RGS6: variants seen among roughly 807,000 people sequenced by gnomAD.
RGS6 encodes regulator of G-protein signaling 6.
Under a neutral mutation model 78.5 loss-of-function variants are expected in RGS6, and 30 were observed. That is an observed-to-expected ratio of 0.38 (90% CI 0.29 to 0.52). RGS6 has a LOEUF of 0.52. Among genes scored for constraint, RGS6 ranks in the 20% least tolerant of loss-of-function variants. The probability of loss-of-function intolerance (pLI) is 0.85; values close to 1 mark genes in which losing one functional copy is unlikely to be tolerated. For synonymous variants in RGS6, 206 were observed against 206.0 expected (o/e 1.00, Z 0.00); for missense variants, 495 against 609.7 (o/e 0.81, Z 1.98).
chr14:72,233,435 T>C (rs573639996), intron 2 of RGS6, among the ~76,000 whole-genome samples: 467 of 152,252 alleles, frequency 3.1e-3, no homozygotes, highest in African/African-American at 0.011. Context: ...GGGTAAATTG[T>C]TTATGGAATG....
chr14:72,393,756 C>G (rs1416318929), intron 3 of RGS6, among the ~76,000 whole-genome samples: 1 of 152,154 alleles, frequency 6.6e-6, no homozygotes, highest in Non-Finnish European at 1.5e-5. Flanking sequence ...CTTAACACCT[C>G]CTGGAAGTCT....
the RGS6 span, among the ~76,000 whole-genome samples, chr14:71,868,333 G>A: frequency 6.6e-6 from 1 of 152,150 alleles, no homozygotes; most frequent in Non-Finnish European, 1.5e-5. Context: ...TGATTGAAGA[G>A]CTATGGGCTT....
At chr14:72,065,863 C>T (rs1042787654) in intron 2 of RGS6, among the ~76,000 whole-genome samples, 7 of 151,866 alleles carry the variant, frequency 4.6e-5, no homozygotes, top group Non-Finnish European at 7.4e-5. Flanking sequence ...TGCTGGTGTG[C>T]TGCACCCACT....
chr14:72,411,063 G>T (rs2093373374), intron 3 of RGS6, among the ~76,000 whole-genome samples: 2 of 152,110 alleles, frequency 1.3e-5, no homozygotes, highest in East Asian at 3.9e-4. Context: ...CTCTTTTTTG[G>T]TTCCATATGA....
intron 2 of RGS6, among the ~76,000 whole-genome samples, chr14:71,979,894 C>T (rs199703407): frequency 6.9e-6 from 1 of 144,196 alleles, no homozygotes; most frequent in Admixed American, 7.0e-5. Flanking sequence ...GTGTGGGAGT[C>T]TAAGTCTCTT....
chr14:71,924,022 ATTAT>A, the RGS6 span, among the ~76,000 whole-genome samples: 1 of 152,064 alleles, frequency 6.6e-6, no homozygotes, highest in South Asian at 2.1e-4. Context: ...ATTTCTTCCT[ATTAT>A]TTATTTATTA....
chr14:72,617,529 C>T, the RGS6 span, among the ~76,000 whole-genome samples: 385 of 152,230 alleles, frequency 2.5e-3, no homozygotes, highest in African/African-American at 8.7e-3. Context: ...GGTCGGGGGC[C>T]CTTTAAATGA....
At chr14:71,900,642 C>T in the RGS6 span, among the ~76,000 whole-genome samples, 12 of 152,228 alleles carry the variant, frequency 7.9e-5, no homozygotes, top group South Asian at 6.2e-4. Context: ...CTATATCTTA[C>T]GAATCTTTGG....
chr14:72,373,893 T>G (rs2084034895), intron 3 of RGS6, among the ~76,000 whole-genome samples: 1 of 152,122 alleles, frequency 6.6e-6, no homozygotes. Context: ...TATATAAAAT[T>G]ATGAAAACAA....
At chr14:72,501,413 G>GT (rs768849260) in intron 13 of RGS6, among the ~76,000 whole-genome samples, 2 of 152,144 alleles carry the variant, frequency 1.3e-5, no homozygotes, top group African/African-American at 4.8e-5. Flanking sequence ...AAAGGCAACT[G>GT]TTTTAAAGGA....
intron 2 of RGS6, among the ~76,000 whole-genome samples, chr14:72,110,551 C>T (rs559105296): frequency 1.3e-5 from 2 of 152,298 alleles, no homozygotes; most frequent in East Asian, 3.9e-4. Context: ...CTCTCCCTGC[C>T]TTCTTCCTTT....
At chr14:71,867,980 C>A in the RGS6 span, among the ~76,000 whole-genome samples, 8 of 152,152 alleles carry the variant, frequency 5.3e-5, no homozygotes, top group Non-Finnish European at 1.2e-4. Context: ...AGTCTCACAT[C>A]CATGAGGCCT....
intron 3 of RGS6, among the ~76,000 whole-genome samples, chr14:72,439,954 T>C (rs1266182376): frequency 6.6e-6 from 1 of 152,208 alleles, no homozygotes; most frequent in Non-Finnish European, 1.5e-5. Flanking sequence ...CCTCTAGTTG[T>C]TGCTCTAGCC....
chr14:72,462,348 G>A lies in RGS6; in HGVS notation c.394+2665G>A, dbSNP rs77003678. Among the ~76,000 whole-genome samples the A allele has an allele frequency of 2.8e-4, 43 of 152,290 alleles. 1 individual carries two copies. The East Asian group carries it at 8.3e-3, about 29-fold the overall frequency. On this transcript the variant is annotated intron_variant, in intron 6 of 17. Coordinates refer to ENST00000553525, the MANE Select transcript of RGS6 (RefSeq NM_001204424.2). ...TTTATAAAAAGGCCTTGGCAGTCAA[G>A]TAGAGACATTTAGAATGGATTCAGC... is the stretch of plus-strand genomic sequence containing the variant.
At chr14:72,306,206 T>C (rs188491703) in intron 2 of RGS6, among the ~76,000 whole-genome samples, 23 of 152,316 alleles carry the variant, frequency 1.5e-4, no homozygotes, top group Non-Finnish European at 2.5e-4. Flanking sequence ...TTATTGAATA[T>C]TTTAAGACCA....
At chr14:72,158,427 A>G (rs2096803452) in intron 2 of RGS6, among the ~76,000 whole-genome samples, 1 of 152,218 alleles carries the variant, frequency 6.6e-6, no homozygotes, top group Non-Finnish European at 1.5e-5. Flanking sequence ...TACTGGGGTT[A>G]GGACTTCCAC....
rs904842484 is a variant in RGS6 at position 72,535,247 on chromosome 14, G to A, written c.1279-939G>A. On this transcript the variant is annotated intron_variant, in intron 15 of 17. Coordinates refer to ENST00000553525, the MANE Select transcript of RGS6 (RefSeq NM_001204424.2). Reference sequence around the variant, plus strand: ...ATGCCCCTGGGAGCCGAGGAAAAGAGGCGGCACCTTGCTGCAGCACCTGCC... The same window carrying A: ...ATGCCCCTGGGAGCCGAGGAAAAGAAGCGGCACCTTGCTGCAGCACCTGCC... 2.0e-5 allele frequency among the ~76,000 whole-genome samples: 3 copies of A among 152,310 alleles called. No individual in the cohort carries two copies. In the East Asian group the frequency reaches 5.8e-4, roughly 29 times the overall value.
the RGS6 span, among the ~76,000 whole-genome samples, chr14:72,621,802 G>T: frequency 6.6e-6 from 1 of 152,226 alleles, no homozygotes; most frequent in Non-Finnish European, 1.5e-5. Context: ...GATGGGGAGA[G>T]TGATAGGGAA....
At chr14:72,604,088 C>T in the RGS6 span, among the ~76,000 whole-genome samples, 3 of 152,144 alleles carry the variant, frequency 2.0e-5, no homozygotes, top group Non-Finnish European at 4.4e-5. Context: ...TGGAAGATCT[C>T]AGGCTCTTTT....
Sources: gnomAD v4.1 joint callset for allele counts (sites outside exome capture counted in the v4.1 genomes callset) on GRCh38, gnomAD v4.1.1 for gene constraint, MANE v1.5 for transcripts, NCBI Gene and HGNC (gene_info 2026-07-23, HGNC 2026-07-21) for gene names.